XYLT1: variants seen among roughly 807,000 people sequenced by gnomAD.
XYLT1 encodes the protein xylosyltransferase 1.
In XYLT1, 36 loss-of-function variants were observed where a neutral mutation model predicts 91.3. The ratio of observed to expected loss-of-function variants is 0.39; its 90% CI spans 0.30 to 0.52. The LOEUF (loss-of-function observed/expected upper bound fraction) is 0.52. Among genes scored for constraint, XYLT1 ranks in the 20% least tolerant of loss-of-function variants. The pLI is 0.68. For synonymous variants in XYLT1, 588 were observed against 532.0 expected, an observed-to-expected ratio of 1.11 and a Z score of -1.45; for missense variants, 1,242 against 1,284.5, an observed-to-expected ratio of 0.97 and a Z score of 0.51.
At chr16:17,454,241 T>C (rs2036705725) in intron 1 of XYLT1, among the ~76,000 whole-genome samples, 1 of 152,230 alleles carries the variant, frequency 6.6e-6, no homozygotes, top group African/African-American at 2.4e-5. Flanking sequence ...GCACTATTTA[T>C]AATGGCCCCA....
At chr16:17,295,972 C>A (rs1329321371) in intron 2 of XYLT1, among the ~76,000 whole-genome samples, 1 of 152,052 alleles carries the variant, frequency 6.6e-6, no homozygotes, top group Non-Finnish European at 1.5e-5. Flanking sequence ...GACTGTAAAT[C>A]TGGAGGTGTT....
intron 2 of XYLT1, chr16:17,354,773 C>T (rs1172964057): frequency 1.3e-5 from 2 of 152,206 alleles, no homozygotes; most frequent in Non-Finnish European, 2.9e-5. Context: ...ACATTTGAGG[C>T]ACTACTTCCT....
chr16:17,226,691 G>C (rs531112911), intron 3 of XYLT1, among the ~76,000 whole-genome samples: 1 of 152,192 alleles, frequency 6.6e-6, no homozygotes. Flanking sequence ...GCTGAGGTGG[G>C]AGGATGGCTT....
intron 1 of XYLT1, among the ~76,000 whole-genome samples, chr16:17,386,419 A>G (rs2035748366): frequency 6.6e-6 from 1 of 152,222 alleles, no homozygotes; most frequent in Admixed American, 6.5e-5. Flanking sequence ...ATTTGCTTTT[A>G]CAAAGGGATT....
chr16:17,141,503 C>T (rs1597148765), intron 6 of XYLT1, 134 bp from the exon 7 acceptor site: 3 of 834,066 alleles, frequency 3.6e-6, no homozygotes, highest in African/African-American at 3.4e-5. Context: ...GGTACTGCTC[C>T]AGGGCTCTGC....
At chr16:17,296,352 C>T (rs1381168324) in intron 2 of XYLT1, among the ~76,000 whole-genome samples, 4 of 152,214 alleles carry the variant, frequency 2.6e-5, no homozygotes, top group Admixed American at 1.3e-4. Flanking sequence ...TGGGGCTTCG[C>T]GGGTGATTTT....
At chr16:17,150,788 G>A (rs2031263041) in intron 6 of XYLT1, among the ~76,000 whole-genome samples, 1 of 152,142 alleles carries the variant, frequency 6.6e-6, no homozygotes, top group Non-Finnish European at 1.5e-5. Flanking sequence ...ACAAATATGG[G>A]GGTAATGATA....
At chr16:17,123,171 T>C (rs1477261161) in intron 10 of XYLT1, among the ~76,000 whole-genome samples, 1 of 152,214 alleles carries the variant, frequency 6.6e-6, no homozygotes, top group Non-Finnish European at 1.5e-5. Flanking sequence ...TTTGGCAGTA[T>C]GGTCATGGTC....
At position 17,446,319 on chromosome 16, in the gene XYLT1, T is replaced by C. The variant is rs1406605420; in HGVS notation, c.363+24115A>G. 3 of 152,220 alleles carry C rather than the reference T, an allele frequency of 2.0e-5. No individual in the cohort carries two copies. In the East Asian group the frequency reaches 5.8e-4, roughly 29 times the overall value. The allele number at this position is 152,220 out of a possible 1,614,324, so 9.4% of individuals were successfully genotyped here. A position where few individuals can be genotyped will look rare whatever the true frequency, so the allele number is the denominator to read the frequency against. On this transcript the variant is annotated intron_variant, in intron 1 of 11. Transcript: ENST00000261381. ...TGAGACAACAGCAGTCTCACAGATA[T>C]ATAGATGTATTTATGTACTTCATCT...
At chr16:17,293,276 A>G (rs1034063973) in intron 2 of XYLT1, among the ~76,000 whole-genome samples, 5 of 152,128 alleles carry the variant, frequency 3.3e-5, no homozygotes, top group African/African-American at 1.2e-4. Flanking sequence ...AAACACACCC[A>G]AAACCTCTGT....
intron 2 of XYLT1, among the ~76,000 whole-genome samples, chr16:17,293,574 G>C (rs2034264380): frequency 7.3e-6 from 1 of 137,318 alleles, no homozygotes; most frequent in African/African-American, 2.7e-5. Flanking sequence ...TGTAACCTCT[G>C]CCTCTTGGCT....
chr16:17,396,749 T>C (rs1020136433), intron 1 of XYLT1, among the ~76,000 whole-genome samples: 3 of 152,068 alleles, frequency 2.0e-5, no homozygotes, highest in Non-Finnish European at 4.4e-5. Flanking sequence ...CAGGTACCTG[T>C]AATCCCAGCT....
At chr16:17,237,902 T>C (rs2033274017) in intron 3 of XYLT1, among the ~76,000 whole-genome samples, 1 of 152,218 alleles carries the variant, frequency 6.6e-6, no homozygotes, top group African/African-American at 2.4e-5. Flanking sequence ...GGTCCAGGCG[T>C]AAGGCTGGCT....
At chr16:17,191,300 A>G (rs1424820577) in intron 5 of XYLT1, among the ~76,000 whole-genome samples, 1 of 152,178 alleles carries the variant, frequency 6.6e-6, no homozygotes, top group Non-Finnish European at 1.5e-5. Flanking sequence ...TCTTTGACCT[A>G]TTCGGGTTCC....
At chr16:17,148,255 A>G (rs972916237) in intron 6 of XYLT1, among the ~76,000 whole-genome samples, 2 of 152,176 alleles carry the variant, frequency 1.3e-5, no homozygotes, top group Non-Finnish European at 2.9e-5. Flanking sequence ...CGACTCAACC[A>G]TCAATCCCTT....
chr16:17,344,726 G>C (rs1596493480), intron 2 of XYLT1, among the ~76,000 whole-genome samples: 1 of 149,962 alleles, frequency 6.7e-6, no homozygotes, highest in African/African-American at 2.5e-5. Context: ...TTTTTTTTGA[G>C]ACAGGTCTCT....
chr16:17,173,862 T>C (rs2031882660), intron 5 of XYLT1, among the ~76,000 whole-genome samples: 1 of 152,380 alleles, frequency 6.6e-6, no homozygotes, highest in East Asian at 1.9e-4. Flanking sequence ...CTTGTCTAAG[T>C]TGAGCAAAGA....
At chr16:17,173,259 C>G (rs183772146) in intron 5 of XYLT1, among the ~76,000 whole-genome samples, 1 of 152,176 alleles carries the variant, frequency 6.6e-6, no homozygotes, top group East Asian at 1.9e-4. Flanking sequence ...GATTTGTGCA[C>G]GCCACACTAC....
At position 17,108,984 on chromosome 16, in the gene XYLT1, C is replaced by T. The variant is rs531190343; in HGVS notation, c.2591G>A (p.Arg864His). Residue 864 changes from arginine (R) to histidine (H), a missense_variant, in exon 12 of 12, where the codon CGC becomes CAC. Arg to His is a conservative substitution (Grantham distance 29). Transcript: ENST00000261381. ...GAAGCTCTGCTCCATGTAGGCATTG[C>T]GGAGGGGCCCATTGTGCAGCTTCAG... ...EALKLHNGPLRNAYMEQSFQS... is the reference protein window; with the variant it reads ...EALKLHNGPLHNAYMEQSFQS... 84 of 1,548,566 alleles carry T rather than the reference C, an allele frequency of 5.4e-5. No individual in the cohort carries two copies. Among genetic ancestry groups the T allele is most frequent in the Admixed American group, 1.6e-4 (9 of 55,822 alleles).
Sources: gnomAD v4.1 joint callset for allele counts (sites outside exome capture counted in the v4.1 genomes callset) on GRCh38, gnomAD v4.1.1 for gene constraint, MANE v1.5 for transcripts, NCBI Gene and HGNC (gene_info 2026-07-23, HGNC 2026-07-21) for gene names.